The following DOCK7 variants were observed in gnomAD, a reference collection of about 807,000 sequenced individuals.
DOCK7 encodes the protein dedicator of cytokinesis 7.
Under a neutral mutation model 271.0 loss-of-function variants are expected in DOCK7, and 138 were observed. The observed-to-expected ratio is 0.51, with a 90% CI of 0.44 to 0.59. The LOEUF is 0.59. Ranked by LOEUF, DOCK7 falls within the 20% of genes least tolerant of loss-of-function variation. DOCK7 has a pLI of 0.00. For missense variants in DOCK7, 2,066 were observed against 2,592.4 expected, an observed-to-expected ratio of 0.80 and a Z score of 4.41; for synonymous variants, 823 against 876.1, an observed-to-expected ratio of 0.94 and a Z score of 1.07.
At chr1:62,678,603 A>G (rs902627357) in intron 1 of DOCK7, among the ~76,000 whole-genome samples, 5 of 152,186 alleles carry the variant, frequency 3.3e-5, no homozygotes, top group Non-Finnish European at 7.4e-5. Flanking sequence ...TGCAATCCCA[A>G]TCAAATTCTA....
At chr1:62,532,063 G>A (rs1279110822) in intron 29 of DOCK7, among the ~76,000 whole-genome samples, 1 of 125,370 alleles carries the variant, frequency 8.0e-6, no homozygotes, top group Non-Finnish European at 1.7e-5. Flanking sequence ...TTATTTATGA[G>A]ACAGAGTCTT....
At chr1:62,507,913 C>T (rs765480755) in intron 35 of DOCK7, 49 bp downstream of exon 35, 3 of 1,561,020 alleles carry the variant, frequency 1.9e-6, no homozygotes, top group Non-Finnish European at 1.8e-6. Flanking sequence ...TCCCTCCAAC[C>T]TCAATTTACC....
chr1:62,679,719 T>C (rs554881932), intron 1 of DOCK7, among the ~76,000 whole-genome samples: 3 of 152,302 alleles, frequency 2.0e-5, no homozygotes, highest in African/African-American at 7.2e-5. Context: ...AGAAAACAGT[T>C]TGACACTACC....
At chr1:62,650,177 C>G (rs1420551947) in intron 4 of DOCK7, among the ~76,000 whole-genome samples, 1 of 152,166 alleles carries the variant, frequency 6.6e-6, no homozygotes, top group Non-Finnish European at 1.5e-5. Flanking sequence ...TCTCCACTGA[C>G]TCACCTAGAT....
At chr1:62,529,515 A>G in intron 29 of DOCK7, 69 bp from the exon 30 acceptor site, 1 of 1,248,544 alleles carries the variant, frequency 8.0e-7, no homozygotes, top group African/African-American at 1.5e-5. Flanking sequence ...CATCTTTAAA[A>G]CAAACAGTAA....
intron 18 of DOCK7, among the ~76,000 whole-genome samples, chr1:62,564,799 A>T (rs1312866773): frequency 6.6e-6 from 1 of 151,418 alleles, no homozygotes; most frequent in African/African-American, 2.4e-5. Flanking sequence ...AATAGACCAC[A>T]AGCCAGACTA....
chr1:62,602,495 C>T (rs1482148821), intron 14 of DOCK7: 2 of 848,972 alleles, frequency 2.4e-6, no homozygotes, highest in African/African-American at 1.7e-5. Flanking sequence ...CAGTCTCAGC[C>T]TTCATATAAT....
At chr1:62,578,690 C>T (rs1420211581) in intron 17 of DOCK7, 138 bp downstream of exon 17, 1 of 869,882 alleles carries the variant, frequency 1.1e-6, no homozygotes, top group African/African-American at 2.0e-5. Context: ...CCACTGCACT[C>T]CAGCCTGGGA....
chr1:62,466,074 G>A (rs1250646321), intron 48 of DOCK7, among the ~76,000 whole-genome samples: 1 of 152,158 alleles, frequency 6.6e-6, no homozygotes, highest in Non-Finnish European at 1.5e-5. Flanking sequence ...CAGTAAACAG[G>A]AGAGGCAGTT....
chr1:62,666,917 C>T (rs777646689), intron 1 of DOCK7, among the ~76,000 whole-genome samples: 3 of 152,198 alleles, frequency 2.0e-5, no homozygotes, highest in Non-Finnish European at 4.4e-5. Flanking sequence ...TCTCTTTATC[C>T]ACTCTCTCCA....
At chr1:62,559,992 C>T (rs940116682) in intron 19 of DOCK7, among the ~76,000 whole-genome samples, 1 of 152,204 alleles carries the variant, frequency 6.6e-6, no homozygotes, top group African/African-American at 2.4e-5. Context: ...CTGTACTGAA[C>T]TTCTGTGGCA....
chr1:62,624,897 G>A (rs1571816212), intron 12 of DOCK7, among the ~76,000 whole-genome samples: 1 of 152,086 alleles, frequency 6.6e-6, no homozygotes, highest in East Asian at 1.9e-4. Context: ...GCTTGAACCT[G>A]GGAGGCGGAG....
intron 29 of DOCK7, among the ~76,000 whole-genome samples, chr1:62,533,860 T>C (rs916858142): frequency 6.6e-6 from 1 of 152,150 alleles, no homozygotes; most frequent in Non-Finnish European, 1.5e-5. Flanking sequence ...CTTTTCGTTC[T>C]TGCATGAGGC....
At chr1:62,637,104 A>G (rs1193178704) in intron 7 of DOCK7, among the ~76,000 whole-genome samples, 1 of 152,228 alleles carries the variant, frequency 6.6e-6, no homozygotes, top group Non-Finnish European at 1.5e-5. Flanking sequence ...GCATAAATGC[A>G]CTTGCCAAAC....
intron 27 of DOCK7, 135 bp downstream of exon 27, chr1:62,539,410 T>C (rs1571457270): frequency 1.4e-6 from 1 of 696,694 alleles, no homozygotes; most frequent in Admixed American, 3.1e-5. Context: ...CTAATAAAAA[T>C]ATGTTACTTT....
Position 62,475,203 on chromosome 1 carries a change from C to G in DOCK7, c.6105+5G>C. On this transcript the variant is annotated splice_donor_5th_base_variant and intron_variant, in intron 47 of 49. Coordinates refer to ENST00000635253, the MANE Select transcript of DOCK7 (RefSeq NM_001367561.1). ...AATCACACAGTGCTAGCAAAAAGCA[C>G]TAACCTGATTCACTGTGGTGCCTAC... is the stretch of plus-strand genomic sequence containing the variant. 1 of 1,612,286 alleles carries G rather than the reference C, an allele frequency of 6.2e-7. No homozygotes were observed. Among genetic ancestry groups the G allele is most frequent in the Non-Finnish European group, 8.5e-7 (1 of 1,179,292 alleles).
intron 13 of DOCK7, 33 bp downstream of exon 13, chr1:62,619,867 T>C (rs1446635732): frequency 1.5e-5 from 21 of 1,390,540 alleles, no homozygotes; most frequent in African/African-American, 2.9e-5. Context: ...ATAATAATAG[T>C]TGCAACCATT....
At chr1:62,604,081 T>C in intron 14 of DOCK7, 1 of 1,613,266 alleles carries the variant, frequency 6.2e-7, no homozygotes, top group Non-Finnish European at 8.5e-7. Flanking sequence ...TTGAATATTC[T>C]TTTTACTTGG....
At chr1:62,540,170 T>A (rs1273540223) in intron 25 of DOCK7, among the ~76,000 whole-genome samples, 1 of 140,912 alleles carries the variant, frequency 7.1e-6, no homozygotes, top group Non-Finnish European at 1.5e-5. Flanking sequence ...AACCTTTAAA[T>A]TTTTTTTTTT....
Sources: gnomAD v4.1 joint callset for allele counts (sites outside exome capture counted in the v4.1 genomes callset) on GRCh38, gnomAD v4.1.1 for gene constraint, MANE v1.5 for transcripts, NCBI Gene and HGNC (gene_info 2026-07-23, HGNC 2026-07-21) for gene names.